MITF: variants seen among roughly 807,000 people sequenced by gnomAD.
MITF encodes the protein melanocyte inducing transcription factor, also known as microphthalmia-associated transcription factor.
A neutral mutation model predicts 60.5 loss-of-function variants in MITF; 17 were observed. That is an observed-to-expected ratio of 0.28 (90% confidence interval 0.19 to 0.42). MITF has a LOEUF of 0.42. MITF is among the 10% of genes least tolerant of loss of function. MITF has a pLI of 1.00. For missense variants in MITF, 622 were observed against 683.5 expected (o/e 0.91, Z 1.00); for synonymous variants, 260 against 248.5 (o/e 1.05, Z -0.43).
chr3:69,910,257 G>T (rs866500573), intron 2 of MITF, among the ~76,000 whole-genome samples: 259 of 152,332 alleles, frequency 1.7e-3, no homozygotes, highest in African/African-American at 6.1e-3. Flanking sequence ...ATTGAGGTTT[G>T]GGAACCTTTG....
At chr3:69,902,604 C>T (rs1006841000) in intron 2 of MITF, among the ~76,000 whole-genome samples, 2 of 152,002 alleles carry the variant, frequency 1.3e-5, no homozygotes, top group African/African-American at 4.8e-5. Flanking sequence ...AGAATAGAAC[C>T]CTTTGAAAAC....
At chr3:69,856,393 G>T (rs1013175455) in intron 1 of MITF, among the ~76,000 whole-genome samples, 2 of 152,150 alleles carry the variant, frequency 1.3e-5, no homozygotes, top group African/African-American at 4.8e-5. Context: ...TTCTTGCTAG[G>T]TATATTGTCT....
intron 1 of MITF, chr3:69,763,863 T>A: frequency 7.3e-7 from 1 of 1,374,750 alleles, no homozygotes; most frequent in Non-Finnish European, 9.7e-7. Flanking sequence ...TGAAAATACT[T>A]CAGTGGTTTT....
intron 2 of MITF, among the ~76,000 whole-genome samples, chr3:69,889,005 G>C: frequency 1.4e-5 from 2 of 147,888 alleles, no homozygotes; most frequent in Non-Finnish European, 3.0e-5. Context: ...TGGTAAGACA[G>C]GCTGTAGTAA....
At chr3:69,804,265 C>G (rs1364002602) in intron 1 of MITF, among the ~76,000 whole-genome samples, 1 of 152,028 alleles carries the variant, frequency 6.6e-6, no homozygotes, top group Non-Finnish European at 1.5e-5. Flanking sequence ...TCTTCCCTCT[C>G]CTTTGTTCCC....
intron 1 of MITF, among the ~76,000 whole-genome samples, chr3:69,803,155 A>G (rs1424539025): frequency 1.3e-5 from 2 of 152,228 alleles, no homozygotes; most frequent in African/African-American, 4.8e-5. Context: ...TTCTGACATG[A>G]AACATAAGAA....
chr3:69,938,781 G>A (rs1385792893), intron 3 of MITF: 12 of 1,355,086 alleles, frequency 8.9e-6, no homozygotes, highest in African/African-American at 5.8e-5. Flanking sequence ...GGGATTTACC[G>A]TACTATGGAC....
chr3:69,858,542 G>A (rs980812126), intron 1 of MITF, among the ~76,000 whole-genome samples: 2 of 152,028 alleles, frequency 1.3e-5, no homozygotes, highest in African/African-American at 4.8e-5. Flanking sequence ...TGTTTACATA[G>A]AAAAAATATA....
At chr3:69,767,958 A>T (rs2062327540) in intron 1 of MITF, among the ~76,000 whole-genome samples, 1 of 152,222 alleles carries the variant, frequency 6.6e-6, no homozygotes. Flanking sequence ...AGTGAGGACA[A>T]AAGTAAGGCT....
At chr3:69,876,431 G>A (rs916961546) in intron 1 of MITF, among the ~76,000 whole-genome samples, 19 of 139,540 alleles carry the variant, frequency 1.4e-4, no homozygotes, top group South Asian at 5.4e-4. Context: ...CCCGCCACCC[G>A]CCATGCCCCT....
At chr3:69,742,499 C>G (rs1190139899) in intron 1 of MITF, among the ~76,000 whole-genome samples, 4 of 152,182 alleles carry the variant, frequency 2.6e-5, no homozygotes, top group African/African-American at 7.2e-5. Context: ...CTGACCTTAT[C>G]TCTTGTTGCC....
intron 2 of MITF, among the ~76,000 whole-genome samples, chr3:69,921,888 G>A (rs1307763945): frequency 6.6e-6 from 1 of 152,160 alleles, no homozygotes; most frequent in Non-Finnish European, 1.5e-5. Context: ...GCTGTCTTGT[G>A]CATCGTAGGA....
chr3:69,781,026 G>A (rs1262451782), intron 1 of MITF, among the ~76,000 whole-genome samples: 2 of 151,980 alleles, frequency 1.3e-5, no homozygotes, highest in Admixed American at 1.3e-4. Context: ...CTCCTGTTTA[G>A]CATTCATGTT....
At chr3:69,908,645 G>A (rs544086497) in intron 2 of MITF, among the ~76,000 whole-genome samples, 2 of 152,260 alleles carry the variant, frequency 1.3e-5, no homozygotes, top group South Asian at 2.1e-4. Flanking sequence ...TGGGATGAAT[G>A]AGCACTACTG....
At position 69,739,659 on chromosome 3, in the gene MITF, C is replaced by A; in HGVS notation, c.62C>A (p.Pro21His). The change falls in exon 1 of 10, where the codon CCC becomes CAC. Residue 21 changes from proline (P) to histidine (H), a missense_variant. Pro to His is a moderately conservative substitution (Grantham distance 77). Transcript: ENST00000352241. Reference sequence around the variant, plus strand: ...GTCGGGGAGGAGTTTCATGAAGAGCCCAAAACCTATTACGAACTCAAAAGT... The same window carrying A: ...GTCGGGGAGGAGTTTCATGAAGAGCACAAAACCTATTACGAACTCAAAAGT... ...FEVGEEFHEEPKTYYELKSQP... is the reference protein window; with the variant it reads ...FEVGEEFHEEHKTYYELKSQP... The A allele has an allele frequency of 1.9e-6, 3 of 1,583,762 alleles. No individual in the cohort carries two copies. The highest frequency in any genetic ancestry group is 1.2e-5 in the South Asian group (1 of 86,644).
At chr3:69,773,934 T>TAAGGA (rs1260429831) in intron 1 of MITF, among the ~76,000 whole-genome samples, 1 of 152,164 alleles carries the variant, frequency 6.6e-6, no homozygotes, top group Non-Finnish European at 1.5e-5. Flanking sequence ...CACAGCGTCT[T>TAAGGA]AAGGAATTGA....
At chr3:69,912,217 A>G (rs2065239162) in intron 2 of MITF, among the ~76,000 whole-genome samples, 1 of 152,246 alleles carries the variant, frequency 6.6e-6, no homozygotes, top group South Asian at 2.1e-4. Flanking sequence ...GCAAAAGCAT[A>G]AACACATGGA....
Position 69,965,119 on chromosome 3 carries a change from C to A in MITF, c.1452C>A (p.Ile484=), listed in dbSNP as rs2107553007. The A allele has an allele frequency of 3.1e-6, 5 of 1,614,106 alleles. No individual in the cohort carries two copies. Among genetic ancestry groups the A allele is most frequent in the Non-Finnish European group, 4.2e-6 (5 of 1,180,004 alleles). The change falls in exon 10 of 10, where the codon ATC becomes ATA. Residue 484 remains isoleucine (I), a synonymous_variant. Coordinates refer to ENST00000352241, the MANE Select transcript of MITF (RefSeq NM_001354604.2). Reference sequence around the variant, plus strand: ...AAATGGGATCCAAACTGGAAGACATCCTGATGGACGACACCCTTTCTCCCG... The same window carrying A: ...AAATGGGATCCAAACTGGAAGACATACTGATGGACGACACCCTTTCTCCCG... The part of the protein sequence containing the change: ...PTKMGSKLED[I]LMDDTLSPVG...
At chr3:69,814,366 T>C (rs969088321) in intron 1 of MITF, among the ~76,000 whole-genome samples, 2 of 152,148 alleles carry the variant, frequency 1.3e-5, no homozygotes, top group African/African-American at 4.8e-5. Flanking sequence ...TCTCATTCTG[T>C]CACCTAGGAC....
Sources: gnomAD v4.1 joint callset for allele counts (sites outside exome capture counted in the v4.1 genomes callset) on GRCh38, gnomAD v4.1.1 for gene constraint, MANE v1.5 for transcripts, NCBI Gene and HGNC (gene_info 2026-07-23, HGNC 2026-07-21) for gene names.